LMBR1: variants seen among roughly 807,000 people sequenced by gnomAD.
LMBR1 encodes limb development membrane protein 1, also known as limb region 1 protein homolog.
LMBR1 carries 52 observed loss-of-function variants against 73.9 expected under a neutral mutation model. The observed-to-expected ratio is 0.70, with a 90% CI of 0.56 to 0.89. LMBR1 has a LOEUF of 0.89. Among genes scored for constraint, LMBR1 ranks in the 40% least tolerant of loss-of-function variants. The pLI, the probability that LMBR1 is intolerant of heterozygous loss-of-function variation, is 0.00. For synonymous variants in LMBR1, 215 were observed against 209.4 expected, an observed-to-expected ratio of 1.03 and a Z score of -0.23; for missense variants, 539 against 579.8, an observed-to-expected ratio of 0.93 and a Z score of 0.72.
chr7:156,883,508 T>C (rs893332856), intron 1 of LMBR1, among the ~76,000 whole-genome samples: 4 of 152,156 alleles, frequency 2.6e-5, no homozygotes, highest in Non-Finnish European at 5.9e-5. Context: ...AGTGGTAAGA[T>C]ATACAGGGAC....
intron 4 of LMBR1, among the ~76,000 whole-genome samples, chr7:156,804,794 T>G (rs1274621730): frequency 6.7e-6 from 1 of 149,510 alleles, no homozygotes; most frequent in Non-Finnish European, 1.5e-5. Context: ...GTCTGTAGAC[T>G]CTCTTTATTC....
At chr7:156,789,881 T>C (rs867515224) in intron 5 of LMBR1, among the ~76,000 whole-genome samples, 6 of 152,154 alleles carry the variant, frequency 3.9e-5, no homozygotes, top group Non-Finnish European at 7.4e-5. Context: ...TATAAAACTG[T>C]TTCATGAGTA....
chr7:156,703,482 T>C (rs1810236468), intron 15 of LMBR1, among the ~76,000 whole-genome samples: 1 of 152,100 alleles, frequency 6.6e-6, no homozygotes, highest in Non-Finnish European at 1.5e-5. Flanking sequence ...CTTCTAGGAC[T>C]GACTAGATAC....
intron 15 of LMBR1, among the ~76,000 whole-genome samples, chr7:156,695,676 ACCTCCAACAC>A (rs945499931): frequency 6.6e-6 from 1 of 152,132 alleles, no homozygotes; most frequent in Non-Finnish European, 1.5e-5. Flanking sequence ...ACCAGACCCC[ACCTCCAACAC>A]TGGGAATCAC....
Position 156,713,116 on chromosome 7 carries a change from C to A in LMBR1, c.1225+10996G>T, listed in dbSNP as rs184939153. ...AAGATATGGAGGAACCCTAAATATACGTTAAATGAAAGAAACCTATCTGAA... is the reference window on the plus strand; with the variant it reads ...AAGATATGGAGGAACCCTAAATATAAGTTAAATGAAAGAAACCTATCTGAA... On this transcript the variant is annotated intron_variant, in intron 15 of 16. Transcript: ENST00000353442. Among the ~76,000 whole-genome samples, 13 of 152,108 alleles carry A rather than the reference C, an allele frequency of 8.5e-5. 1 individual carries two copies. Among genetic ancestry groups the A allele is most frequent in the Admixed American group, 8.5e-4 (13 of 15,272 alleles).
intron 9 of LMBR1, among the ~76,000 whole-genome samples, chr7:156,736,179 G>GA (rs1178792690): frequency 6.6e-6 from 1 of 152,296 alleles, no homozygotes; most frequent in African/African-American, 2.4e-5. Flanking sequence ...GAACTTTGAT[G>GA]AGCAGTTCTG....
At chr7:156,852,548 A>G (rs1387162524) in intron 1 of LMBR1, among the ~76,000 whole-genome samples, 1 of 152,226 alleles carries the variant, frequency 6.6e-6, no homozygotes. Context: ...AGATCTATCT[A>G]TGATTCTCAC....
intron 1 of LMBR1, among the ~76,000 whole-genome samples, chr7:156,878,505 G>A (rs1270479094): frequency 6.6e-6 from 1 of 151,982 alleles, no homozygotes. Context: ...TAACCAAGAA[G>A]GTAAAAGGCC....
At chr7:156,820,121 A>G (rs142169931) in intron 4 of LMBR1, among the ~76,000 whole-genome samples, 105 of 152,340 alleles carry the variant, frequency 6.9e-4, no homozygotes, top group African/African-American at 2.3e-3. Flanking sequence ...AGCTTCCAGA[A>G]TAACAGAAGA....
At chr7:156,762,922 GAAC>G (rs781112593) in intron 7 of LMBR1, among the ~76,000 whole-genome samples, 183 bp downstream of exon 7, 5 of 151,596 alleles carry the variant, frequency 3.3e-5, no homozygotes, top group Non-Finnish European at 5.9e-5. Context: ...TTTCCTTAGA[GAAC>G]AATAAAAGCA....
chr7:156,848,665 C>A (rs1025859790), intron 1 of LMBR1, among the ~76,000 whole-genome samples: 15 of 152,138 alleles, frequency 9.9e-5, no homozygotes, highest in African/African-American at 3.4e-4. Flanking sequence ...GGCATGGTGA[C>A]TCACCCCTGT....
intron 15 of LMBR1, among the ~76,000 whole-genome samples, chr7:156,715,714 TATA>T (rs1325014685): frequency 4.6e-5 from 7 of 152,210 alleles, no homozygotes. Context: ...GAATCACACT[TATA>T]AAGAGGTGCC....
At chr7:156,806,671 G>T (rs28588157) in intron 4 of LMBR1, among the ~76,000 whole-genome samples, 10,639 of 141,118 alleles carry the variant, frequency 0.075, 430 homozygotes, top group East Asian at 0.15. Flanking sequence ...GTGCAGTGGT[G>T]CGATTTCTCA....
intron 4 of LMBR1, among the ~76,000 whole-genome samples, chr7:156,671,515 CATT>C (rs1366697339): frequency 6.6e-6 from 1 of 152,190 alleles, no homozygotes; most frequent in African/African-American, 2.4e-5. Context: ...ACAAATATAT[CATT>C]ATAAAAACTG....
intron 4 of LMBR1, among the ~76,000 whole-genome samples, chr7:156,797,108 A>G (rs925153340): frequency 6.6e-6 from 1 of 152,188 alleles, no homozygotes; most frequent in Non-Finnish European, 1.5e-5. Context: ...ACTTAATTCC[A>G]GGATTTTAAA....
intron 4 of LMBR1, among the ~76,000 whole-genome samples, chr7:156,816,185 A>AT (rs962187028): frequency 1.3e-5 from 2 of 151,502 alleles, no homozygotes; most frequent in Non-Finnish European, 2.9e-5. Context: ...TGAAAAAAAT[A>AT]TTTTTTTTTC....
rs79915817 is a variant in LMBR1 at position 156,687,953 on chromosome 7, T to C, written c.1387+77A>G. 371 of 1,317,034 alleles carry C rather than the reference T, an allele frequency of 2.8e-4. 3 individuals carry two copies. In the African/African-American group the frequency reaches 5.1e-3, roughly 18 times the overall value. The allele number at this position is 1,317,034 out of a possible 1,614,324, so 81.6% of individuals were successfully genotyped here. A position where few individuals can be genotyped will look rare whatever the true frequency, so the allele number is the denominator to read the frequency against. The stretch of plus-strand genomic sequence containing the variant: ...TTACAAATTTGGGAAACTAAATAGC[T>C]GAAGATGTAATATTAACTCAAATGT... On this transcript the variant is annotated intron_variant, in intron 16 of 16. Transcript: ENST00000353442.
intron 9 of LMBR1, among the ~76,000 whole-genome samples, chr7:156,750,497 T>C (rs1820671963): frequency 6.6e-6 from 1 of 152,186 alleles, no homozygotes; most frequent in African/African-American, 2.4e-5. Flanking sequence ...AACACTCCAG[T>C]GCACGTGGTC....
At chr7:156,756,674 C>T (rs942997519) in intron 8 of LMBR1, among the ~76,000 whole-genome samples, 4 of 151,914 alleles carry the variant, frequency 2.6e-5, no homozygotes, top group African/African-American at 9.7e-5. Flanking sequence ...TATCACAAAC[C>T]CTATATACAT....
Sources: allele counts gnomAD v4.1 joint callset (sites outside exome capture counted in the v4.1 genomes callset), GRCh38; gene constraint gnomAD v4.1.1; transcripts MANE v1.5; gene names NCBI Gene and HGNC (gene_info 2026-07-23, HGNC 2026-07-21).